The following CDH15 variants were observed in gnomAD, a reference collection of about 807,000 sequenced individuals.
CDH15 encodes the protein cadherin 15.
Under a neutral mutation model 69.4 loss-of-function variants are expected in CDH15, and 73 were observed. That is an observed-to-expected ratio of 1.05 (90% CI 0.87 to 1.28). CDH15 has a LOEUF of 1.28. Ranked by LOEUF, CDH15 falls within the 50% of genes most tolerant of loss-of-function variation. CDH15 has a pLI of 0.00. For missense variants in CDH15, 1,343 were observed against 1,133.6 expected, an observed-to-expected ratio of 1.18 and a Z score of -2.65; for synonymous variants, 624 against 507.7, an observed-to-expected ratio of 1.23 and a Z score of -3.08.
At position 89,185,178 on chromosome 16, in the gene CDH15, T is replaced by C. The variant is rs1350675220; in HGVS notation, c.508T>C (p.Tyr170His). 2.5e-6 allele frequency: 4 copies of C among 1,598,246 alleles called. No individual in the cohort carries two copies. The highest frequency in any genetic ancestry group is 3.4e-6 in the Non-Finnish European group (4 of 1,173,378). ...CGCCTCCCTGTGCTTCCCAGGCACC[T>C]ATGTGACCAGGGCAGAGGCCACAGA... is the stretch of plus-strand genomic sequence containing the variant. ...RVLEGAVPGT[Y>H]VTRAEATDAD... Residue 170 changes from tyrosine to histidine, a missense_variant, in exon 5 of 14, where the codon TAT (tyrosine) becomes CAT (histidine). Coordinates refer to ENST00000289746, the MANE Select transcript of CDH15 (RefSeq NM_004933.3).
At position 89,192,323 on chromosome 16, in the gene CDH15, CGT is replaced by C; in HGVS notation, c.1738_1739del (p.Cys580ProfsTer76). 7 of 1,535,744 alleles carry C rather than the reference CGT, an allele frequency of 4.6e-6. No homozygotes were observed. The highest frequency in any genetic ancestry group is 6.1e-6 in the Non-Finnish European group (7 of 1,147,370). ...AGCGCGAGCAGCCTCTGAACGTGAC[CGT>C]GTGCCGCTGCGGCAAGGACGGCGTC... ...QQREQPLNVTVCRCGKDGVCL... is the reference protein window; with the variant it reads ...QQREQPLNVTXCRCGKDGVCL... On this transcript the variant is annotated frameshift_variant, in exon 11 of 14. Coordinates refer to ENST00000289746, the MANE Select transcript of CDH15 (RefSeq NM_004933.3). LOFTEE classifies it high-confidence loss of function.
Position 89,188,190 on chromosome 16 carries a change from G to T in CDH15, c.883G>T (p.Val295Leu), listed in dbSNP as rs746057098. Residue 295 changes from valine (V) to leucine (L), a missense_variant, in exon 7 of 14, where the codon GTG (valine) becomes TTG (leucine). Transcript: ENST00000289746. ...GGACCTGCCAGGCTCCCCAAACTGG[G>T]TGGCCAGGTTCACCATCCTGGAAGG... ...DRDLPGSPNW[V>L]ARFTILEGDP... The T allele has an allele frequency of 1.2e-6, 2 of 1,613,474 alleles. No individual in the cohort carries two copies. Among genetic ancestry groups the T allele is most frequent in the African/African-American group, 2.7e-5 (2 of 75,050 alleles).
intron 8 of CDH15, among the ~76,000 whole-genome samples, chr16:89,190,795 C>G (rs892363544): frequency 3.9e-5 from 6 of 152,158 alleles, no homozygotes; most frequent in Non-Finnish European, 7.4e-5. Context: ...TCATTTCACT[C>G]CAAGCCTGGC....
At chr16:89,193,668 C>T in intron 12 of CDH15, 62 bp downstream of exon 12, 1 of 1,566,924 alleles carries the variant, frequency 6.4e-7, no homozygotes, top group Non-Finnish European at 8.6e-7. Flanking sequence ...GGCCTTCTTA[C>T]AACAAGCTGG....
Position 89,184,972 on chromosome 16 carries a change from G to A in CDH15, c.503-201G>A, listed in dbSNP as rs904872242. Among the ~76,000 whole-genome samples the A allele has an allele frequency of 5.9e-5, 9 of 152,326 alleles. No homozygotes were observed. The East Asian group carries it at 9.7e-4, about 16-fold the overall frequency. On this transcript the variant is annotated intron_variant, in intron 4 of 13. Coordinates refer to ENST00000289746, the MANE Select transcript of CDH15 (RefSeq NM_004933.3). ...CAGCACGGTGGGCTTCAGGGGCAGC[G>A]GGAAGCATCTCGACCTGGGGGTTGC... is the stretch of plus-strand genomic sequence containing the variant.
rs753262958 is a variant in CDH15, at chr16:89,193,518, G to A, written c.1904G>A (p.Arg635Gln). 1.9e-6 allele frequency: 3 copies of A among 1,612,040 alleles called. No individual in the cohort carries two copies. The highest frequency in any genetic ancestry group is 1.1e-5 in the South Asian group (1 of 90,990). The change falls in exon 12 of 14, where the codon CGG becomes CAG. Residue 635 changes from arginine (R) to glutamine (Q), a missense_variant. By Grantham distance (43) the Arg-to-Gln change is conservative. Coordinates refer to ENST00000289746, the MANE Select transcript of CDH15 (RefSeq NM_004933.3). ...ALRARFWKQS[R>Q]GKGLLHGPQD... ...CGGGCGCGGTTCTGGAAGCAGTCTC[G>A]GGGCAAGGGGCTGCTGCACGGCCCC...
intron 3 of CDH15, 139 bp from the exon 4 acceptor site, chr16:89,183,408 CT>C: frequency 1.1e-6 from 1 of 925,132 alleles, no homozygotes; most frequent in South Asian, 1.5e-5. Context: ...ATGCCCCACC[CT>C]GTGCTGTTTC....
chr16:89,176,941 C>T (rs980798290), intron 1 of CDH15, among the ~76,000 whole-genome samples: 1 of 152,132 alleles, frequency 6.6e-6, no homozygotes, highest in African/African-American at 2.4e-5. Flanking sequence ...GGTGGGGGTG[C>T]CCCAGAGAGC....
chr16:89,194,811 G>A (rs1330966295), intron 13 of CDH15, 51 bp from the exon 14 acceptor site: 7 of 1,546,022 alleles, frequency 4.5e-6, no homozygotes, highest in African/African-American at 1.4e-5. Context: ...ACGGCGGTGG[G>A]GCACCCGCTG....
intron 9 of CDH15, 48 bp from the exon 10 acceptor site, chr16:89,191,607 G>A (rs572601148): frequency 1.9e-6 from 3 of 1,568,946 alleles, no homozygotes; most frequent in Non-Finnish European, 2.6e-6. Flanking sequence ...GACTGGTGGG[G>A]CAGGCTGGGG....
intron 2 of CDH15, 122 bp from the exon 3 acceptor site, chr16:89,180,078 C>A: frequency 9.2e-7 from 1 of 1,084,710 alleles, no homozygotes; most frequent in Non-Finnish European, 1.4e-6. Context: ...AGGATCCGTC[C>A]TCCAGTCCTA....
chr16:89,180,375 G>C lies in CDH15; in HGVS notation c.357+20G>C. ...TTCAGGGTGCGGAGCTGCGTGGTCG[G>C]ACCTGTGCCCCTCAAGCAGGCCTGG... On this transcript the variant is annotated intron_variant, in intron 3 of 13. Coordinates refer to ENST00000289746, the MANE Select transcript of CDH15 (RefSeq NM_004933.3). The C allele has an allele frequency of 6.2e-7, 1 of 1,607,904 alleles. No individual in the cohort carries two copies. Among genetic ancestry groups the C allele is most frequent in the Non-Finnish European group, 8.5e-7 (1 of 1,177,654 alleles).
chr16:89,187,580 G>C (rs769846673), intron 6 of CDH15, 23 bp downstream of exon 6: 10 of 1,612,982 alleles, frequency 6.2e-6, no homozygotes, highest in Non-Finnish European at 7.6e-6. Context: ...TCCCTCCCTC[G>C]AAAGTAGCCC....
intron 3 of CDH15, among the ~76,000 whole-genome samples, chr16:89,181,569 C>T (rs764215866): frequency 1.1e-4 from 17 of 151,930 alleles, no homozygotes; most frequent in Non-Finnish European, 2.1e-4. Context: ...CCCGAGAGGT[C>T]GACACTGCCG....
chr16:89,172,466 G>A (rs7197788), intron 1 of CDH15, among the ~76,000 whole-genome samples: 3,540 of 152,264 alleles, frequency 0.023, 102 homozygotes, highest in East Asian at 0.12. Context: ...GTGGCGTGTG[G>A]CAGCCCTGGG....
chr16:89,193,985 C>A, intron 13 of CDH15, 72 bp downstream of exon 13: 1 of 1,497,090 alleles, frequency 6.7e-7, no homozygotes, highest in Non-Finnish European at 9.2e-7. Flanking sequence ...CATGTACACA[C>A]CTGCACATGC....
chr16:89,191,566 G>A (rs1915642203), intron 9 of CDH15, 89 bp from the exon 10 acceptor site: 1 of 1,582,494 alleles, frequency 6.3e-7, no homozygotes, highest in Admixed American at 1.8e-5. Flanking sequence ...ATGTCGCCCG[G>A]GGGCTCAGAG....
chr16:89,193,687 C>A, intron 12 of CDH15, 68 bp from the exon 13 acceptor site: 9 of 1,572,930 alleles, frequency 5.7e-6, no homozygotes, highest in Non-Finnish European at 7.7e-6. Context: ...GGCCAGGAGC[C>A]TGTACCTGAG....
rs748843685 is a variant in CDH15 at position 89,194,998 on chromosome 16, A to G, written c.2288A>G (p.Tyr763Cys). The G allele has an allele frequency of 1.6e-5, 26 of 1,612,032 alleles. No homozygotes were observed. The highest frequency in any genetic ancestry group is 2.0e-5 in the Non-Finnish European group (24 of 1,179,692). ...LSSQGDEDQDYDYLRDWGPRF... is the reference protein window; with the variant it reads ...LSSQGDEDQDCDYLRDWGPRF... ...AGCCAGGGCGATGAGGACCAGGACT[A>G]CGACTACCTCAGAGACTGGGGGCCC... Residue 763 changes from tyrosine (Y) to cysteine (C), a missense_variant, in exon 14 of 14, where the codon TAC becomes TGC. Transcript: ENST00000289746.
Sources: gnomAD v4.1 joint callset for allele counts (sites outside exome capture counted in the v4.1 genomes callset) on GRCh38, gnomAD v4.1.1 for gene constraint, MANE v1.5 for transcripts, NCBI Gene and HGNC (gene_info 2026-07-23, HGNC 2026-07-21) for gene names.